Variants in FGF14 observed in about 807,000 individuals in gnomAD.
FGF14 encodes the protein fibroblast growth factor 14, also known as fibroblast growth factor homologous factor 4.
In FGF14, 5 loss-of-function variants were observed where a neutral mutation model predicts 25.5. The ratio of observed to expected loss-of-function variants is 0.20; its 90% confidence interval spans 0.10 to 0.41. The LOEUF (loss-of-function observed/expected upper bound fraction) is 0.41. FGF14 is among the 10% of genes least tolerant of loss of function. The pLI, the probability that FGF14 is intolerant of heterozygous loss-of-function variation, is 1.00. For synonymous variants in FGF14, 138 were observed against 118.3 expected, an observed-to-expected ratio of 1.17 and a Z score of -1.08; for missense variants, 222 against 320.1, an observed-to-expected ratio of 0.69 and a Z score of 2.34.
intron 1 of FGF14, among the ~76,000 whole-genome samples, chr13:102,344,976 T>C (rs191756055): frequency 4.6e-5 from 7 of 152,312 alleles, no homozygotes; most frequent in African/African-American, 1.4e-4. Context: ...GATGTTCTTC[T>C]AGAACATGAG....
intron 1 of FGF14, among the ~76,000 whole-genome samples, chr13:102,132,812 C>T (rs559979990): frequency 4.5e-4 from 68 of 152,294 alleles, no homozygotes; most frequent in Middle Eastern, 3.4e-3. Flanking sequence ...TGAGCCCCTG[C>T]ACCCGGCCCT....
intron 1 of FGF14, among the ~76,000 whole-genome samples, chr13:102,247,360 AT>A (rs1466001352): frequency 3.9e-5 from 6 of 152,284 alleles, no homozygotes; most frequent in Non-Finnish European, 8.8e-5. Context: ...TCCAGCATCT[AT>A]AAAGAACTTA....
chr13:102,211,783 T>C (rs1441336610), intron 1 of FGF14, among the ~76,000 whole-genome samples: 1 of 152,224 alleles, frequency 6.6e-6, no homozygotes, highest in African/African-American at 2.4e-5. Flanking sequence ...GCTTTATTCA[T>C]AACCAGAATA....
intron 3 of FGF14, among the ~76,000 whole-genome samples, chr13:101,791,974 C>T (rs1435465175): frequency 6.6e-6 from 1 of 152,122 alleles, no homozygotes; most frequent in Non-Finnish European, 1.5e-5. Context: ...ATGAAATGTA[C>T]TACCCAATGA....
At chr13:101,971,412 C>G (rs895197399) in intron 1 of FGF14, among the ~76,000 whole-genome samples, 1 of 151,720 alleles carries the variant, frequency 6.6e-6, no homozygotes, top group Non-Finnish European at 1.5e-5. Context: ...ACTCTGTCAC[C>G]CAGGCTGTAG....
intron 1 of FGF14, among the ~76,000 whole-genome samples, chr13:102,244,309 A>C (rs557182402): frequency 1.3e-5 from 2 of 152,010 alleles, no homozygotes; most frequent in Non-Finnish European, 2.9e-5. Flanking sequence ...GGTGTGCAGT[A>C]GAAATCTCAT....
chr13:102,085,376 C>T (rs1488323020), intron 1 of FGF14, among the ~76,000 whole-genome samples: 1 of 152,136 alleles, frequency 6.6e-6, no homozygotes, highest in Non-Finnish European at 1.5e-5. Context: ...CACCCCAAAT[C>T]CCTCAACTGG....
chr13:102,017,343 C>T (rs560373158), intron 1 of FGF14, among the ~76,000 whole-genome samples: 2 of 152,236 alleles, frequency 1.3e-5, no homozygotes, highest in African/African-American at 4.8e-5. Context: ...TCAAAAAATA[C>T]CTTTGTTTTA....
At chr13:101,967,386 T>C (rs2037280638) in intron 1 of FGF14, among the ~76,000 whole-genome samples, 1 of 152,212 alleles carries the variant, frequency 6.6e-6, no homozygotes. Flanking sequence ...CTGATTGTGG[T>C]AAAGTTAAAA....
rs1286043990 is a variant in FGF14, at chr13:102,308,933, A to C, written c.208+92538T>G. On this transcript the variant is annotated intron_variant, in intron 1 of 4. Coordinates refer to the FGF14 transcript ENST00000376131. ...TTCTTATACAAAAAAAAAAAAAAAAAACACAAAAAAAACAGACCCTAGAAA... is the reference window on the plus strand; with the variant it reads ...TTCTTATACAAAAAAAAAAAAAAAACACACAAAAAAAACAGACCCTAGAAA... Among the ~76,000 whole-genome samples, 40 of 150,432 alleles carry C rather than the reference A, an allele frequency of 2.7e-4. 2 individuals carry two copies. Among genetic ancestry groups the C allele is most frequent in the South Asian group, 2.1e-3 (10 of 4,778 alleles).
chr13:102,001,486 C>G (rs984863664), intron 1 of FGF14, among the ~76,000 whole-genome samples: 9 of 152,158 alleles, frequency 5.9e-5, no homozygotes, highest in African/African-American at 2.2e-4. Context: ...GGATGAGACC[C>G]TAAGTTCTGC....
chr13:101,976,183 C>T (rs1176845071), intron 1 of FGF14, among the ~76,000 whole-genome samples: 1 of 152,032 alleles, frequency 6.6e-6, no homozygotes, highest in Non-Finnish European at 1.5e-5. Flanking sequence ...GGTAATTGAT[C>T]AGTCCCAAAA....
At chr13:102,276,349 GTGTGTATATATATATA>G (rs1228965182) in intron 1 of FGF14, among the ~76,000 whole-genome samples, 1 of 32,762 alleles carries the variant, frequency 3.1e-5, no homozygotes, top group African/African-American at 1.4e-4. Flanking sequence ...GTGTGTGTGT[GTGTGTATATATATATA>G]TATATATATA....
intron 1 of FGF14, among the ~76,000 whole-genome samples, chr13:102,188,201 G>A (rs2048948834): frequency 6.6e-6 from 1 of 152,110 alleles, no homozygotes; most frequent in Non-Finnish European, 1.5e-5. Context: ...TGGGGTCAGT[G>A]AGATATTAGA....
Position 102,317,745 on chromosome 13 carries a change from G to C in FGF14, c.208+83726C>G, listed in dbSNP as rs1474972954. ...GGGAGGAAACATCCCACCCCTTCTG[G>C]CTTCTACCAAATGTGACAACTTGCC... On this transcript the variant is annotated intron_variant, in intron 1 of 4. Coordinates refer to the FGF14 transcript ENST00000376131. Among the ~76,000 whole-genome samples, 6 of 152,144 alleles carry C rather than the reference G, an allele frequency of 3.9e-5. No homozygotes were observed. In the East Asian group the frequency reaches 1.2e-3, roughly 29 times the overall value.
chr13:101,880,608 C>T (rs2045652700), intron 1 of FGF14, among the ~76,000 whole-genome samples: 1 of 152,056 alleles, frequency 6.6e-6, no homozygotes, highest in Admixed American at 6.6e-5. Context: ...ATGAAAAACC[C>T]AAACAGCTCT....
chr13:101,981,787 A>C (rs2038284545), intron 1 of FGF14, among the ~76,000 whole-genome samples: 1 of 152,210 alleles, frequency 6.6e-6, no homozygotes, highest in Non-Finnish European at 1.5e-5. Flanking sequence ...CCATGAAAGA[A>C]AAACACTCTT....
chr13:102,068,077 G>A (rs2042978651), intron 1 of FGF14, among the ~76,000 whole-genome samples: 1 of 152,110 alleles, frequency 6.6e-6, no homozygotes, highest in Non-Finnish European at 1.5e-5. Flanking sequence ...CTCTGAACAT[G>A]AAGGAAAAAT....
chr13:102,110,348 T>C (rs2045157621), intron 1 of FGF14, among the ~76,000 whole-genome samples: 1 of 152,158 alleles, frequency 6.6e-6, no homozygotes, highest in Non-Finnish European at 1.5e-5. Flanking sequence ...GATCTAGTGA[T>C]AATAAATCCC....
Sources: gnomAD v4.1 joint callset for allele counts (sites outside exome capture counted in the v4.1 genomes callset) on GRCh38, gnomAD v4.1.1 for gene constraint, MANE v1.5 for transcripts, NCBI Gene and HGNC (gene_info 2026-07-23, HGNC 2026-07-21) for gene names.